The following NDUFA10 variants were observed in gnomAD, a reference collection of about 807,000 sequenced individuals.
The protein encoded by NDUFA10 is NADH dehydrogenase [ubiquinone] 1 alpha subcomplex subunit 10, mitochondrial.
NDUFA10 carries 40 observed loss-of-function variants against 47.8 expected under a neutral mutation model. The ratio of observed to expected loss-of-function variants is 0.84; its 90% CI spans 0.65 to 1.09. NDUFA10 has a LOEUF of 1.09. NDUFA10 is among the 50% of genes least tolerant of loss of function. The pLI, the probability that NDUFA10 is intolerant of heterozygous loss-of-function variation, is 0.00. For synonymous variants in NDUFA10, 183 were observed against 172.2 expected, an observed-to-expected ratio of 1.06 and a Z score of -0.49; for missense variants, 413 against 451.1, an observed-to-expected ratio of 0.92 and a Z score of 0.76.
At chr2:239,969,744 C>G in intron 9 of NDUFA10, 1 of 471,430 alleles carries the variant, frequency 2.1e-6, no homozygotes. Flanking sequence ...AATCTCTTGG[C>G]TTCTGATTCT....
At chr2:239,902,767 CA>C (rs1693577046) in intron 4 of NDUFA10, among the ~76,000 whole-genome samples, 1 of 152,152 alleles carries the variant, frequency 6.6e-6, no homozygotes, top group Non-Finnish European at 1.5e-5. Flanking sequence ...CGTTTAGTGG[CA>C]GGGTGGTTCC....
At chr2:239,919,880 G>A (rs75221717) in intron 4 of NDUFA10, among the ~76,000 whole-genome samples, 7,044 of 152,194 alleles carry the variant, frequency 0.046, 455 homozygotes, top group African/African-American at 0.15. Context: ...GGGTGGGGCC[G>A]CCCAGGTCTG....
At chr2:239,967,922 CTATA>C (rs1695142045) in intron 9 of NDUFA10, among the ~76,000 whole-genome samples, 1 of 151,582 alleles carries the variant, frequency 6.6e-6, no homozygotes, top group Admixed American at 6.6e-5. Flanking sequence ...TAGACATGCC[CTATA>C]TAGTGCTTCA....
chr2:240,003,865 G>A (rs1696830698), intron 8 of NDUFA10, among the ~76,000 whole-genome samples: 1 of 152,142 alleles, frequency 6.6e-6, no homozygotes, highest in South Asian at 2.1e-4. Context: ...AGGCAGAGCT[G>A]GGGATCACCG....
chr2:239,916,019 TAGAG>T (rs547850082), intron 4 of NDUFA10, among the ~76,000 whole-genome samples: 26,646 of 138,702 alleles, frequency 0.19, 2,906 homozygotes, highest in African/African-American at 0.32. Context: ...TACAGATACA[TAGAG>T]AGACACACAG....
At chr2:239,915,334 C>CACACA (rs1693842336) in intron 4 of NDUFA10, among the ~76,000 whole-genome samples, 2 of 99,184 alleles carry the variant, frequency 2.0e-5, no homozygotes, top group African/African-American at 5.1e-5. Flanking sequence ...ACACAGAGAA[C>CACACA]GAAGACATAC....
chr2:239,931,050 C>G (rs1694165144), intron 4 of NDUFA10, among the ~76,000 whole-genome samples: 1 of 152,090 alleles, frequency 6.6e-6, no homozygotes, highest in African/African-American at 2.4e-5. Flanking sequence ...GCCGTGGGAG[C>G]CTCGGAGGGT....
At chr2:239,903,185 G>T (rs1403569159) in intron 4 of NDUFA10, among the ~76,000 whole-genome samples, 5 of 152,138 alleles carry the variant, frequency 3.3e-5, no homozygotes, top group Admixed American at 2.6e-4. Context: ...CAGGGCAGCT[G>T]GTGAGACGTG....
chr2:239,939,239 G>C (rs1694319635), intron 4 of NDUFA10, among the ~76,000 whole-genome samples: 1 of 152,204 alleles, frequency 6.6e-6, no homozygotes, highest in Non-Finnish European at 1.5e-5. Flanking sequence ...GCCTTGGTGA[G>C]CCCCAACATG....
At chr2:239,991,029 G>A (rs777551031) in intron 8 of NDUFA10, among the ~76,000 whole-genome samples, 1 of 152,134 alleles carries the variant, frequency 6.6e-6, no homozygotes, top group Non-Finnish European at 1.5e-5. Context: ...CATTTGTAAT[G>A]GCTCAAATGG....
chr2:240,013,277 T>C (rs1160732503), intron 5 of NDUFA10: 1 of 152,252 alleles, frequency 6.6e-6, no homozygotes, highest in Non-Finnish European at 1.5e-5. Context: ...TAATGTGATG[T>C]CTTTTATAAA....
chr2:240,005,595 G>A lies in NDUFA10; in HGVS notation c.805-300C>T, dbSNP rs111420729. 0.033 allele frequency among the ~76,000 whole-genome samples: 5,034 copies of A among 152,174 alleles called. 297 individuals carry two copies. The highest frequency in any genetic ancestry group is 0.11 in the African/African-American group (4,752 of 41,508). ...TGGTCTCAAACTCCTGGGCTCAAGC[G>A]ATCCTCCTGCCTCAGCCTCCCAAAG... is the stretch of plus-strand genomic sequence containing the variant. On this transcript the variant is annotated intron_variant, in intron 7 of 9. Transcript: ENST00000252711.
intron 4 of NDUFA10, among the ~76,000 whole-genome samples, chr2:239,942,110 C>A (rs1694369414): frequency 6.6e-6 from 1 of 152,232 alleles, no homozygotes; most frequent in South Asian, 2.1e-4. Context: ...GATTCTTTTG[C>A]CGGACTGCCT....
At chr2:240,005,707 A>G (rs1221363167) in intron 7 of NDUFA10, among the ~76,000 whole-genome samples, 1 of 136,304 alleles carries the variant, frequency 7.3e-6, no homozygotes, top group Non-Finnish European at 1.7e-5. Flanking sequence ...GGCAGGAAGA[A>G]TCACACCGTA....
At chr2:239,907,751 G>A (rs1446118803) in intron 4 of NDUFA10, among the ~76,000 whole-genome samples, 2 of 152,152 alleles carry the variant, frequency 1.3e-5, no homozygotes, top group Non-Finnish European at 2.9e-5. Flanking sequence ...GAAACAACAG[G>A]TGCTGGAGAG....
intron 8 of NDUFA10, 135 bp downstream of exon 8, chr2:240,005,075 G>GA: frequency 1.3e-6 from 1 of 796,718 alleles, no homozygotes; most frequent in Non-Finnish European, 2.2e-6. Context: ...CTGTTTGGAA[G>GA]AAAAAATACC....
chr2:240,013,172 T>A (rs1328370244), intron 5 of NDUFA10: 2 of 152,230 alleles, frequency 1.3e-5, no homozygotes, highest in South Asian at 2.1e-4. Flanking sequence ...TAGAAATGGT[T>A]TTCGGATATT....
At chr2:239,997,279 C>A (rs1484612247) in intron 8 of NDUFA10, among the ~76,000 whole-genome samples, 2 of 151,928 alleles carry the variant, frequency 1.3e-5, no homozygotes, top group Admixed American at 6.6e-5. Flanking sequence ...AAACAGAAAA[C>A]AACTGGATAA....
chr2:240,019,202 C>CTCA (rs1697503086), intron 3 of NDUFA10, among the ~76,000 whole-genome samples: 1 of 152,240 alleles, frequency 6.6e-6, no homozygotes, highest in Non-Finnish European at 1.5e-5. Context: ...GCAGCCACCA[C>CTCA]TCACTTGGGG....
Sources: gnomAD v4.1 joint callset for allele counts (sites outside exome capture counted in the v4.1 genomes callset) on GRCh38, gnomAD v4.1.1 for gene constraint, MANE v1.5 for transcripts, NCBI Gene and HGNC (gene_info 2026-07-23, HGNC 2026-07-21) for gene names.